Variants in NEK10 observed in about 807,000 individuals in gnomAD.
The protein encoded by NEK10 is serine/threonine-protein kinase Nek10.
Under a neutral mutation model 159.8 loss-of-function variants are expected in NEK10, and 122 were observed. That is an observed-to-expected ratio of 0.76 (90% confidence interval 0.66 to 0.89). The LOEUF (loss-of-function observed/expected upper bound fraction) is 0.89, where lower values mean the gene tolerates loss of function less well. NEK10 is among the 40% of genes least tolerant of loss of function. The pLI is 0.00. For missense variants in NEK10, 1,342 were observed against 1,323.1 expected, an observed-to-expected ratio of 1.01 and a Z score of -0.22; for synonymous variants, 466 against 457.1, an observed-to-expected ratio of 1.02 and a Z score of -0.25.
intron 35 of NEK10, among the ~76,000 whole-genome samples, chr3:27,113,366 G>A (rs771170541): frequency 7.3e-6 from 1 of 137,186 alleles, no homozygotes; most frequent in East Asian, 2.4e-4. Context: ...AGGAGGTGGA[G>A]TTTGTAGTGA....
chr3:27,192,190 T>C lies in NEK10; in HGVS notation c.2344A>G (p.Met782Val). The C allele has an allele frequency of 6.2e-7, 1 of 1,614,178 alleles. No individual in the cohort carries two copies. Among genetic ancestry groups the C allele is most frequent in the Non-Finnish European group, 8.5e-7 (1 of 1,180,006 alleles). Residue 782 changes from methionine to valine, a missense_variant, in exon 26 of 36, where the codon ATG (methionine) becomes GTG (valine). By Grantham distance (21) the Met-to-Val change is conservative. Coordinates refer to ENST00000691995, the MANE Select transcript of NEK10 (RefSeq NM_001394966.1). The stretch of plus-strand genomic sequence containing the variant: ...TATTTCATCATGACATCTGATATCA[T>C]CGAACTGACTTCTACAATATCTGGA... ...ARPDIVEVSS[M>V]ISDVMMKYLD...
intron 23 of NEK10, among the ~76,000 whole-genome samples, chr3:27,234,946 T>A (rs1953737717): frequency 6.6e-6 from 1 of 151,920 alleles, no homozygotes; most frequent in Non-Finnish European, 1.5e-5. Context: ...AATAGATAAT[T>A]CAGAAATAAG....
At chr3:27,116,997 G>GC (rs1940547683) in intron 33 of NEK10, among the ~76,000 whole-genome samples, 1 of 151,874 alleles carries the variant, frequency 6.6e-6, no homozygotes, top group African/African-American at 2.4e-5. Context: ...ACCCCAACAG[G>GC]CCCCAGTGTG....
intron 1 of NEK10, among the ~76,000 whole-genome samples, chr3:27,356,435 AG>A (rs2048332087): frequency 6.6e-6 from 1 of 152,156 alleles, no homozygotes; most frequent in South Asian, 2.1e-4. Context: ...GCTTGAGCCC[AG>A]GAGGTTGAGG....
chr3:27,189,195 T>C (rs1559576794), intron 26 of NEK10, among the ~76,000 whole-genome samples: 1 of 152,126 alleles, frequency 6.6e-6, no homozygotes, highest in African/African-American at 2.4e-5. Context: ...CCACAGTACA[T>C]AGAGTGAACT....
intron 22 of NEK10, among the ~76,000 whole-genome samples, chr3:27,260,392 C>T (rs369903984): frequency 2.6e-5 from 4 of 152,062 alleles, no homozygotes; most frequent in Non-Finnish European, 5.9e-5. Context: ...GAGATAGGTC[C>T]CATCAATACC....
chr3:27,201,462 G>C (rs1334666214), intron 25 of NEK10, 48 bp downstream of exon 25: 4 of 1,412,290 alleles, frequency 2.8e-6, no homozygotes, highest in Admixed American at 3.6e-5. Flanking sequence ...ATAGAAATGA[G>C]GTATTTCTTG....
intron 19 of NEK10, among the ~76,000 whole-genome samples, chr3:27,288,711 T>C (rs2042791889): frequency 6.6e-6 from 1 of 152,242 alleles, no homozygotes; most frequent in Admixed American, 6.5e-5. Context: ...TTAAAAAAGA[T>C]CATTTTCTAG....
At chr3:27,290,195 C>A (rs577272285) in intron 19 of NEK10, among the ~76,000 whole-genome samples, 12 of 152,312 alleles carry the variant, frequency 7.9e-5, no homozygotes, top group Non-Finnish European at 1.6e-4. Flanking sequence ...TGAAAATCTA[C>A]ATTTTAGATC....
At chr3:27,193,347 T>A (rs1376862564) in intron 25 of NEK10, among the ~76,000 whole-genome samples, 1 of 152,236 alleles carries the variant, frequency 6.6e-6, no homozygotes, top group Non-Finnish European at 1.5e-5. Context: ...TGTAAACTGC[T>A]AACCAGAATA....
At chr3:27,346,965 A>G (rs922838505) in intron 3 of NEK10, among the ~76,000 whole-genome samples, 1 of 152,254 alleles carries the variant, frequency 6.6e-6, no homozygotes, top group African/African-American at 2.4e-5. Flanking sequence ...GTATTTGTCT[A>G]TAATTGGGGT....
At chr3:27,121,623 A>G (rs1204514323) in intron 32 of NEK10, among the ~76,000 whole-genome samples, 1 of 152,204 alleles carries the variant, frequency 6.6e-6, no homozygotes, top group East Asian at 1.9e-4. Context: ...GCTTTCTGCC[A>G]TGATTGTGAG....
chr3:27,122,460 GC>G (rs1324563107), intron 32 of NEK10, among the ~76,000 whole-genome samples: 1 of 152,146 alleles, frequency 6.6e-6, no homozygotes, highest in Non-Finnish European at 1.5e-5. Context: ...AATACAGGAA[GC>G]CCTGACAGTC....
At position 27,132,005 on chromosome 3, in the gene NEK10, A is replaced by G. The variant is rs779228833; in HGVS notation, c.2971-15T>C. 4.8e-6 allele frequency: 7 copies of G among 1,453,108 alleles called. No homozygotes were observed. Among genetic ancestry groups the G allele is most frequent in the Non-Finnish European group, 6.7e-6 (7 of 1,037,058 alleles). 90.0% of individuals were successfully genotyped at this position (1,453,108 alleles called of 1,614,324 possible). ...GCTGGAGGAAGCTGCATAAAATAAG[A>G]AAACAATCATTATAAACAAATTGTT... On this transcript the variant is annotated splice_polypyrimidine_tract_variant and intron_variant, in intron 31 of 35. Coordinates refer to ENST00000691995, the MANE Select transcript of NEK10 (RefSeq NM_001394966.1).
chr3:27,295,844 A>G (rs2043317243), intron 14 of NEK10, among the ~76,000 whole-genome samples, 154 bp from the exon 15 acceptor site: 1 of 152,214 alleles, frequency 6.6e-6, no homozygotes, highest in African/African-American at 2.4e-5. Context: ...AATATTTAAA[A>G]TGTCAACATA....
At chr3:27,352,202 G>T (rs952439428) in intron 3 of NEK10, among the ~76,000 whole-genome samples, 10 of 152,270 alleles carry the variant, frequency 6.6e-5, no homozygotes, top group African/African-American at 2.4e-4. Context: ...TTTACAGACC[G>T]AAGAGGAAAG....
At chr3:27,167,970 G>A (rs939100357) in intron 29 of NEK10, among the ~76,000 whole-genome samples, 8 of 152,166 alleles carry the variant, frequency 5.3e-5, no homozygotes, top group Admixed American at 3.9e-4. Flanking sequence ...TTATTAGGGA[G>A]TTACGTTAGT....
chr3:27,356,465 G>A (rs1201394947), intron 1 of NEK10, among the ~76,000 whole-genome samples: 1 of 152,150 alleles, frequency 6.6e-6, no homozygotes, highest in Non-Finnish European at 1.5e-5. Flanking sequence ...AGCCCTCATG[G>A]TGTTACTGCG....
intron 31 of NEK10, among the ~76,000 whole-genome samples, chr3:27,140,593 G>A (rs1468578836): frequency 6.6e-6 from 1 of 152,124 alleles, no homozygotes; most frequent in Non-Finnish European, 1.5e-5. Context: ...AATGAAATAT[G>A]AGCCCAATGG....
Sources: allele counts gnomAD v4.1 joint callset (sites outside exome capture counted in the v4.1 genomes callset), GRCh38; gene constraint gnomAD v4.1.1; transcripts MANE v1.5; gene names NCBI Gene and HGNC (gene_info 2026-07-23, HGNC 2026-07-21).